Variants in MTMR4 observed in about 807,000 individuals in gnomAD.
MTMR4 encodes the protein phosphatidylinositol-3,5-bisphosphate 3-phosphatase MTMR4.
MTMR4 carries 30 observed loss-of-function variants against 125.5 expected under a neutral mutation model. The ratio of observed to expected loss-of-function variants is 0.24; its 90% CI spans 0.18 to 0.32. The LOEUF (loss-of-function observed/expected upper bound fraction) is 0.32. Ranked by LOEUF, MTMR4 falls within the 10% of genes least tolerant of loss-of-function variation. The pLI, the probability that MTMR4 is intolerant of heterozygous loss-of-function variation, is 1.00. For missense variants in MTMR4, 1,039 were observed against 1,511.5 expected, an observed-to-expected ratio of 0.69 and a Z score of 5.18; for synonymous variants, 498 against 564.5, an observed-to-expected ratio of 0.88 and a Z score of 1.67.
chr17:58,516,565 A>G, upstream of MTMR4: 1 of 1,614,168 alleles, frequency 6.2e-7, no homozygotes, highest in Non-Finnish European at 8.5e-7. Context: ...GCCTGAGGAA[A>G]GACAGGGTAC....
chr17:58,514,564 C>G lies in MTMR4; in HGVS notation c.-157G>C. The G allele has an allele frequency of 1.0e-6, 1 of 985,156 alleles. No individual in the cohort carries two copies. The highest frequency in any genetic ancestry group is 1.2e-6 in the Non-Finnish European group (1 of 829,870). The allele number at this position is 985,156 out of a possible 1,614,324, so 61.0% of individuals were successfully genotyped here. A position where few individuals can be genotyped will look rare whatever the true frequency, so the allele number is the denominator to read the frequency against. The stretch of plus-strand genomic sequence containing the variant: ...GGTGGCCGGGCCTCCGCGCGGCTCC[C>G]GCGCGCCTCTCCCCTCCTCTCCACA... On this transcript the variant is annotated 5_prime_UTR_variant, in exon 1 of 18. Transcript: ENST00000682306.
At chr17:58,507,385 G>T (rs918063761) in intron 7 of MTMR4, 66 bp from the exon 8 acceptor site, 48 of 1,483,806 alleles carry the variant, frequency 3.2e-5, no homozygotes, top group Middle Eastern at 1.8e-4. Flanking sequence ...ACCTCAGGGG[G>T]TTAGACCAAA....
At chr17:58,493,025 TGTGC>T in intron 15 of MTMR4, 73 bp from the exon 16 acceptor site, 3 of 1,180,972 alleles carry the variant, frequency 2.5e-6, no homozygotes, top group Non-Finnish European at 3.8e-6. Flanking sequence ...TGTCAGGCAC[TGTGC>T]TAAGTGCATT....
At chr17:58,509,050 ACTC>A (rs1975856436) in intron 4 of MTMR4, among the ~76,000 whole-genome samples, 2 of 151,878 alleles carry the variant, frequency 1.3e-5, no homozygotes, top group African/African-American at 4.8e-5. Flanking sequence ...CTTCCCAAGA[ACTC>A]CTGTGTTTGA....
intron 14 of MTMR4, among the ~76,000 whole-genome samples, chr17:58,498,980 A>C (rs1975546638): frequency 6.6e-6 from 1 of 152,058 alleles, no homozygotes; most frequent in Admixed American, 6.6e-5. Context: ...TCTTCCCCTC[A>C]TATCTGAACT....
rs199873495 is a variant in MTMR4 at position 58,508,653 on chromosome 17, C to T, written c.496+28G>A. On this transcript the variant is annotated intron_variant, in intron 5 of 17. Transcript: ENST00000682306. The surrounding 1 kb of genome is among the most constrained non-coding windows in gnomAD (Gnocchi z 4.8). ...ATGAGAACTAAGGGGTAAGAAGCAG[C>T]CTCCCAAAGAAAATAGACTGGCCTC... The T allele has an allele frequency of 7.7e-5, 124 of 1,613,470 alleles. 2 individuals carry two copies. The Admixed American group carries it at 1.8e-3, about 23-fold the overall frequency.
Position 58,495,876 on chromosome 17 carries a change from G to A in MTMR4, c.2308C>T (p.Pro770Ser). Residue 770 changes from proline (P) to serine (S), a missense_variant, in exon 15 of 18, where the codon CCT becomes TCT. Coordinates refer to ENST00000682306, the MANE Select transcript of MTMR4 (RefSeq NM_001378067.1). ...DGIGEPPEHCPETEAVSALSK... is the reference protein window; with the variant it reads ...DGIGEPPEHCSETEAVSALSK... ...AGTGCACTGACAGCTTCTGTTTCAG[G>A]ACAATGTTCAGGTGGCTCCCCTATG... 1 of 1,614,160 alleles carries A rather than the reference G, an allele frequency of 6.2e-7. No homozygotes were observed. Among genetic ancestry groups the A allele is most frequent in the African/African-American group, 1.3e-5 (1 of 75,024 alleles).
At chr17:58,496,492 A>G (rs1359606612) in intron 14 of MTMR4, among the ~76,000 whole-genome samples, 162 bp from the exon 15 acceptor site, 1 of 152,202 alleles carries the variant, frequency 6.6e-6, no homozygotes, top group Non-Finnish European at 1.5e-5. Context: ...ACAAATAACC[A>G]ATGTTCACTG....
At chr17:58,503,385 C>T (rs759126336) in intron 14 of MTMR4, among the ~76,000 whole-genome samples, 4 of 152,140 alleles carry the variant, frequency 2.6e-5, no homozygotes, top group Non-Finnish European at 5.9e-5. Flanking sequence ...CGGTGGCTCA[C>T]GCCTGTAATC....
chr17:58,511,390 T>G, intron 4 of MTMR4, 39 bp downstream of exon 4: 1 of 1,554,676 alleles, frequency 6.4e-7, no homozygotes, highest in Non-Finnish European at 8.8e-7. Flanking sequence ...TGGACAAGAC[T>G]AGGGCCAGGG....
intron 10 of MTMR4, among the ~76,000 whole-genome samples, chr17:58,505,242 CTTT>C (rs1285753236): frequency 1.3e-5 from 2 of 152,214 alleles, no homozygotes; most frequent in African/African-American, 4.8e-5. Context: ...TCTCTGTGTT[CTTT>C]GAGTAGAACA....
chr17:58,499,665 G>C (rs561284684), intron 14 of MTMR4, among the ~76,000 whole-genome samples: 1 of 148,998 alleles, frequency 6.7e-6, no homozygotes, highest in Non-Finnish European at 1.5e-5. Flanking sequence ...TCTGTTGCCC[G>C]GGCTGGAGTG....
intron 15 of MTMR4, among the ~76,000 whole-genome samples, chr17:58,494,616 C>A (rs1309092715): frequency 6.6e-6 from 1 of 152,142 alleles, no homozygotes; most frequent in Non-Finnish European, 1.5e-5. Context: ...ATTGCCACTA[C>A]GCTTCTGCAA....
At chr17:58,505,700 G>A in intron 9 of MTMR4, 117 bp from the exon 10 acceptor site, 1 of 577,182 alleles carries the variant, frequency 1.7e-6, no homozygotes, top group South Asian at 1.6e-5. Context: ...CTGAGGTCAG[G>A]AGTTCAAGAA....
rs780242968 is a variant in MTMR4 at position 58,512,881 on chromosome 17, C to G, written c.106G>C (p.Glu36Gln). 3 of 1,613,050 alleles carry G rather than the reference C, an allele frequency of 1.9e-6. No homozygotes were observed. ...AGATTCTCTTCCTCCTTCACTAGTT[C>G]CTTGGGGGGGAACAGATCCTTGGCT... is the stretch of plus-strand genomic sequence containing the variant. ...IQAKDLFPPK[E>Q]LVKEEENLQV... Residue 36 changes from glutamate (E) to glutamine (Q), a missense_variant, in exon 2 of 18, where the codon GAA becomes CAA. Physicochemically the swap from Glu to Gln is conservative, Grantham distance 29. Coordinates refer to ENST00000682306, the MANE Select transcript of MTMR4 (RefSeq NM_001378067.1). This position sits in a 1 kb window ranked among gnomAD's most constrained non-coding sequence, Gnocchi z 4.1.
chr17:58,499,272 T>A (rs1598215543), intron 14 of MTMR4, among the ~76,000 whole-genome samples: 1 of 148,832 alleles, frequency 6.7e-6, no homozygotes. Flanking sequence ...CTCACCCAGG[T>A]GCAGTGGCTC....
In MTMR4 at chr17:58,496,120, A is replaced by G; in HGVS notation, c.2064T>C (p.Gly688=). 6.2e-7 allele frequency: 1 copy of G among 1,614,106 alleles called. No individual in the cohort carries two copies. The highest frequency in any genetic ancestry group is 1.7e-5 in the Admixed American group (1 of 60,006). ...GGCTGCTGGGCAGAGGAGGAGGAAG[A>G]CCCACTTCTCCTACAGTTTGCTGAG... ...GGPQQTVGEV[G]LPPPLPSSQK... Residue 688 remains glycine (G), a synonymous_variant, in exon 15 of 18, where the codon GGT becomes GGC. Coordinates refer to ENST00000682306, the MANE Select transcript of MTMR4 (RefSeq NM_001378067.1).
chr17:58,501,887 C>T (rs888759533), intron 14 of MTMR4, among the ~76,000 whole-genome samples: 5 of 151,622 alleles, frequency 3.3e-5, no homozygotes, highest in African/African-American at 4.8e-5. Context: ...GGTAAAACCC[C>T]GTCTCTACTA....
rs1248716108 is a variant in MTMR4 at position 58,508,918 on chromosome 17, G to C, written c.336-77C>G. On this transcript the variant is annotated intron_variant, in intron 4 of 17. Coordinates refer to ENST00000682306, the MANE Select transcript of MTMR4 (RefSeq NM_001378067.1). This position sits in a 1 kb window ranked among gnomAD's most constrained non-coding sequence, Gnocchi z 4.8. ...TGGGGCTATCAGGGCCAAAAACACAGCCACAGGAAGGCTGTGAGGAGAGAA... is the reference window on the plus strand; with the variant it reads ...TGGGGCTATCAGGGCCAAAAACACACCCACAGGAAGGCTGTGAGGAGAGAA... 2.0e-6 allele frequency: 3 copies of C among 1,509,628 alleles called. No individual in the cohort carries two copies. The African/African-American group carries it at 4.1e-5, about 21-fold the overall frequency. The allele number at this position is 1,509,628 out of a possible 1,614,324, so 93.5% of individuals were successfully genotyped here. A position where few individuals can be genotyped will look rare whatever the true frequency, so the allele number is the denominator to read the frequency against.
Sources: gnomAD v4.1 joint callset for allele counts (sites outside exome capture counted in the v4.1 genomes callset) on GRCh38, gnomAD v4.1.1 for gene constraint, Gnocchi (gnomAD v3.1) non-coding constraint, MANE v1.5 for transcripts, NCBI Gene and HGNC (gene_info 2026-07-23, HGNC 2026-07-21) for gene names.